BSCL2: variants seen among roughly 807,000 people sequenced by gnomAD.
BSCL2 encodes BSCL2 lipid droplet biogenesis associated, seipin.
BSCL2 carries 41 observed loss-of-function variants against 57.4 expected under a neutral mutation model. The ratio of observed to expected loss-of-function variants is 0.71; its 90% confidence interval spans 0.56 to 0.93. The LOEUF (loss-of-function observed/expected upper bound fraction) is 0.93, where lower values mean the gene tolerates loss of function less well. Ranked by LOEUF, BSCL2 falls within the 40% of genes least tolerant of loss-of-function variation. The pLI, the probability that BSCL2 is intolerant of heterozygous loss-of-function variation, is 0.00. For synonymous variants in BSCL2, 237 were observed against 227.3 expected, an observed-to-expected ratio of 1.04 and a Z score of -0.38; for missense variants, 539 against 586.7, an observed-to-expected ratio of 0.92 and a Z score of 0.84.
intron 3 of BSCL2, among the ~76,000 whole-genome samples, chr11:62,698,142 C>T (rs1244125861): frequency 3.3e-5 from 5 of 151,844 alleles, no homozygotes; most frequent in South Asian, 2.1e-4. Flanking sequence ...CTCCTGACCC[C>T]GTGATCCACC....
chr11:62,709,134 C>T, upstream of BSCL2: 1 of 478,290 alleles, frequency 2.1e-6, no homozygotes, highest in East Asian at 6.0e-5. Context: ...CAGGTTCTTG[C>T]TCTCAGTCTC....
Position 62,705,542 on chromosome 11 carries a change from G to T in BSCL2, c.163C>A (p.Pro55Thr). 1 of 1,610,460 alleles carries T rather than the reference G, an allele frequency of 6.2e-7. No individual in the cohort carries two copies. Among genetic ancestry groups the T allele is most frequent in the South Asian group, 1.1e-5 (1 of 90,856 alleles). Residue 55 changes from proline to threonine, a missense_variant, in exon 2 of 11, where the codon CCT becomes ACT. Pro to Thr is a conservative substitution (Grantham distance 38). This residue lies in a region of BSCL2 where 218 missense variants were observed against 224.8 expected (regional missense o/e 0.97). Transcript: ENST00000360796. ...GRAARNARPE[P>T]GARHPALPAM... ...GGGAGAGCAGGGTGTCTGGCCCCAGGTTCAGGCCTTGCGTTCCTAGCTGCT... is the reference window on the plus strand; with the variant it reads ...GGGAGAGCAGGGTGTCTGGCCCCAGTTTCAGGCCTTGCGTTCCTAGCTGCT...
At chr11:62,692,863 CCT>C in intron 4 of BSCL2, 66 bp from the exon 5 acceptor site, 1 of 1,603,338 alleles carries the variant, frequency 6.2e-7, no homozygotes, top group Non-Finnish European at 8.5e-7. Flanking sequence ...CCTACCTACC[CCT>C]CAACCACCCC....
intron 3 of BSCL2, among the ~76,000 whole-genome samples, chr11:62,701,702 C>A (rs1161635897): frequency 1.3e-5 from 2 of 151,874 alleles, no homozygotes; most frequent in East Asian, 3.9e-4. Flanking sequence ...TGTGGTGGCG[C>A]GCTCCTGTAG....
intron 2 of BSCL2, among the ~76,000 whole-genome samples, chr11:62,703,703 TAAG>T (rs940552117): frequency 1.1e-4 from 16 of 152,134 alleles, no homozygotes; most frequent in African/African-American, 3.1e-4. Context: ...CCTAAAAGTT[TAAG>T]AAGCTCTGCT....
Position 62,694,569 on chromosome 11 carries a change from G to C in BSCL2, c.629C>G (p.Ser210Trp). 1 of 1,613,784 alleles carries C rather than the reference G, an allele frequency of 6.2e-7. No individual in the cohort carries two copies. Among genetic ancestry groups the C allele is most frequent in the Non-Finnish European group, 8.5e-7 (1 of 1,179,978 alleles). ...CTCAGACAGGCCACCAACACTTACC[G>C]AACGCGAAGAAGTGGAGATGATTCG... The part of the protein sequence containing the change: ...GGRIISTSSR[S>W]VMLHYRSDLL... The change falls in exon 4 of 11, where the codon TCG (serine) becomes TGG (tryptophan). Residue 210 changes from serine (S) to tryptophan (W), a missense_variant and splice_region_variant. This residue lies in a region of BSCL2 where 73 missense variants were observed against 122.0 expected (regional missense o/e 0.60). Coordinates refer to ENST00000360796, the MANE Select transcript of BSCL2 (RefSeq NM_001122955.4).
rs1390537161 is a variant in BSCL2 at position 62,691,401 on chromosome 11, G to T, written c.884C>A (p.Pro295Gln). ...AACACCTATGAAGGCGCAGGTCATC[G>T]GGAAGTTGTATAGCAGGTATCTGAG... ...TGLRYLLYNF[P>Q]MTCAFIGVAS... The change falls in exon 7 of 11, where the codon CCG (proline) becomes CAG (glutamine). Residue 295 changes from proline to glutamine, a missense_variant. Pro to Gln is a moderately conservative substitution (Grantham distance 76, BLOSUM62 -1). Transcript: ENST00000360796. 2 of 1,614,078 alleles carry T rather than the reference G, an allele frequency of 1.2e-6. No homozygotes were observed. The highest frequency in any genetic ancestry group is 3.3e-5 in the Admixed American group (2 of 59,996).
chr11:62,694,687 G>C lies in BSCL2; in HGVS notation c.511C>G (p.Arg171Gly). 6.2e-7 allele frequency: 1 copy of C among 1,614,078 alleles called. No homozygotes were observed. The highest frequency in any genetic ancestry group is 1.1e-5 in the South Asian group (1 of 91,074). Reference sequence around the variant, plus strand: ...GGCAGCTCAAGCTCTAAGGTAACACGATACGGCTGTCCATACATCAGCACC... The same window carrying C: ...GGCAGCTCAAGCTCTAAGGTAACACCATACGGCTGTCCATACATCAGCACC... Reference protein sequence around the residue: ...DRVLMYGQPYRVTLELELPES... With the variant: ...DRVLMYGQPYGVTLELELPES... Residue 171 changes from arginine to glycine, a missense_variant, in exon 4 of 11, where the codon CGT becomes GGT. This residue lies in a region of BSCL2 where 218 missense variants were observed against 224.8 expected (regional missense o/e 0.97). Coordinates refer to ENST00000360796, the MANE Select transcript of BSCL2 (RefSeq NM_001122955.4).
chr11:62,701,829 GA>G lies in BSCL2; in HGVS notation c.486+638del, dbSNP rs139041776. 1.0e-2 allele frequency among the ~76,000 whole-genome samples: 1,205 copies of G among 120,968 alleles called. 9 individuals are homozygous for G. The highest frequency in any genetic ancestry group is 0.026 in the African/African-American group (842 of 32,564). The allele number at this position is 120,968 out of a possible 152,430, so 79.4% of individuals were successfully genotyped here. On this transcript the variant is annotated intron_variant, in intron 3 of 10. Coordinates refer to ENST00000360796, the MANE Select transcript of BSCL2 (RefSeq NM_001122955.4). ...CCTGGCGACAGAGTGAGACTGTCTG[GA>G]AAAAAAAAAAAAAAAAGAAAGAGAG...
chr11:62,701,328 C>T (rs923219928), intron 3 of BSCL2, among the ~76,000 whole-genome samples: 2 of 152,052 alleles, frequency 1.3e-5, no homozygotes, highest in Admixed American at 6.6e-5. Context: ...GGTTACATTC[C>T]GATAAACCCA....
intron 3 of BSCL2, among the ~76,000 whole-genome samples, chr11:62,697,311 C>T (rs1429731775): frequency 1.4e-5 from 2 of 145,976 alleles, no homozygotes; most frequent in Non-Finnish European, 3.0e-5. Context: ...AGGAGAATGG[C>T]GTGAACCCGG....
Position 62,707,373 on chromosome 11 carries a change from G to C in BSCL2, c.-178C>G. 1 of 720,732 alleles carries C rather than the reference G, an allele frequency of 1.4e-6. No homozygotes were observed. The highest frequency in any genetic ancestry group is 2.5e-6 in the Non-Finnish European group (1 of 401,174). The allele number at this position is 720,732 out of a possible 1,614,324, so 44.6% of individuals were successfully genotyped here. On this transcript the variant is annotated 5_prime_UTR_variant, in exon 1 of 11. Transcript: ENST00000360796. ...GTGCTAAGTGCTGTGTCAGAGTAGA[G>C]GGAGGAAAGGAGGAGGGGGGCGACT...
chr11:62,703,315 T>G (rs1945699917), intron 2 of BSCL2, among the ~76,000 whole-genome samples: 1 of 148,672 alleles, frequency 6.7e-6, no homozygotes, highest in Non-Finnish European at 1.5e-5. Flanking sequence ...TGTGGGGGTG[T>G]GGGTGCAGCA....
At chr11:62,708,667 C>T, upstream of BSCL2, 1 of 1,613,446 alleles carries the variant, frequency 6.2e-7, no homozygotes, top group Non-Finnish European at 8.5e-7. Context: ...CCCTTCCTGG[C>T]TGTGTCCCAG....
upstream of BSCL2, chr11:62,709,490 G>C (rs978015806): frequency 2.2e-6 from 1 of 454,066 alleles, no homozygotes; most frequent in East Asian, 6.9e-5. Context: ...CGGGAGTGCA[G>C]TCGTACAGCA....
upstream of BSCL2, chr11:62,707,575 C>G (rs1416485281): frequency 6.9e-6 from 4 of 581,532 alleles, no homozygotes; most frequent in African/African-American, 5.6e-5. Flanking sequence ...GGGGGAGGGG[C>G]AGGCAGTGAA....
chr11:62,702,001 C>T (rs549253921), intron 3 of BSCL2, among the ~76,000 whole-genome samples: 9 of 152,156 alleles, frequency 5.9e-5, no homozygotes, highest in African/African-American at 2.2e-4. Flanking sequence ...CTAACACCTG[C>T]TGCAGAAAGA....
At position 62,707,348 on chromosome 11, in the gene BSCL2, G is replaced by T; in HGVS notation, c.-153C>A. 5.4e-6 allele frequency: 4 copies of T among 747,466 alleles called. No individual in the cohort carries two copies. The South Asian group carries it at 5.8e-5, about 11-fold the overall frequency. 46.3% of individuals were successfully genotyped at this position (747,466 alleles called of 1,614,324 possible). The stretch of plus-strand genomic sequence containing the variant: ...CCCTGGGAGAGAAACGAAGATTCAG[G>T]TGCTAAGTGCTGTGTCAGAGTAGAG... On this transcript the variant is annotated 5_prime_UTR_variant, in exon 1 of 11. Transcript: ENST00000360796.
At chr11:62,695,890 T>C (rs903500394) in intron 3 of BSCL2, among the ~76,000 whole-genome samples, 2 of 151,152 alleles carry the variant, frequency 1.3e-5, no homozygotes, top group African/African-American at 4.9e-5. Flanking sequence ...GAACTATCTG[T>C]TGGCCGGGCG....
Sources: gnomAD v4.1 joint callset for allele counts (sites outside exome capture counted in the v4.1 genomes callset) on GRCh38, gnomAD v4.1.1 for gene constraint, gnomAD v4.1.1 regional missense constraint, MANE v1.5 for transcripts, NCBI Gene and HGNC (gene_info 2026-07-23, HGNC 2026-07-21) for gene names.